Variants in PCLO observed in about 807,000 individuals in gnomAD.
PCLO encodes piccolo presynaptic cytomatrix protein.
A neutral mutation model predicts 427.5 loss-of-function variants in PCLO; 82 were observed. The observed-to-expected ratio is 0.19, with a 90% CI of 0.16 to 0.23. The LOEUF (loss-of-function observed/expected upper bound fraction) is 0.23. Ranked by LOEUF, PCLO falls within the 10% of genes least tolerant of loss-of-function variation. The pLI is 1.00. For missense variants in PCLO, 6,239 were observed against 6,115.9 expected (o/e 1.02, Z -0.67); for synonymous variants, 2,357 against 2,155.4 (o/e 1.09, Z -2.59).
chr7:83,000,512 G>T (rs10243542), intron 3 of PCLO, among the ~76,000 whole-genome samples: 80,811 of 151,690 alleles, frequency 0.53, 22,217 homozygotes, highest in East Asian at 0.85. Flanking sequence ...TTTTTCCATG[G>T]ATGTGCGGGA....
intron 7 of PCLO, among the ~76,000 whole-genome samples, chr7:82,909,817 G>C (rs956243527): frequency 1.3e-5 from 2 of 151,896 alleles, no homozygotes; most frequent in African/African-American, 4.8e-5. Flanking sequence ...TTTAAGAGAA[G>C]CACTGATTTA....
intron 3 of PCLO, among the ~76,000 whole-genome samples, chr7:83,021,472 G>A (rs1244751085): frequency 6.6e-6 from 1 of 152,052 alleles, no homozygotes; most frequent in African/African-American, 2.4e-5. Flanking sequence ...AGATAACAGA[G>A]ATAAAAGGTT....
At chr7:82,809,158 T>C (rs1359605315) in intron 20 of PCLO, among the ~76,000 whole-genome samples, 1 of 151,930 alleles carries the variant, frequency 6.6e-6, no homozygotes, top group Non-Finnish European at 1.5e-5. Flanking sequence ...CTTTATTATC[T>C]GAGGCTGGAT....
intron 3 of PCLO, among the ~76,000 whole-genome samples, chr7:83,043,912 CTTT>C (rs869061778): frequency 6.3e-5 from 6 of 94,914 alleles, no homozygotes; most frequent in East Asian, 4.2e-4. Context: ...CTATTATTTT[CTTT>C]TTTTTTTTTT....
intron 3 of PCLO, among the ~76,000 whole-genome samples, chr7:83,096,954 A>G (rs868602415): frequency 7.7e-5 from 2 of 25,832 alleles, no homozygotes; most frequent in South Asian, 7.7e-4. Flanking sequence ...TATTATATAA[A>G]TAATATAATA....
chr7:83,005,048 C>T (rs1368910461), intron 3 of PCLO, among the ~76,000 whole-genome samples: 1 of 145,662 alleles, frequency 6.9e-6, no homozygotes, highest in Non-Finnish European at 1.5e-5. Flanking sequence ...TAGGAAGATA[C>T]ATTGTAGGAG....
intron 20 of PCLO, chr7:82,822,255 A>C (rs1314119092): frequency 7.3e-6 from 10 of 1,367,614 alleles, no homozygotes; most frequent in Non-Finnish European, 9.4e-6. Context: ...GCCAGGTTGG[A>C]TGGATGGTGG....
chr7:83,121,111 T>C (rs1386147466), intron 3 of PCLO, among the ~76,000 whole-genome samples: 1 of 151,260 alleles, frequency 6.6e-6, no homozygotes, highest in South Asian at 2.1e-4. Flanking sequence ...GTGAAACCCA[T>C]CTCTACTAAA....
At chr7:83,093,848 T>G (rs532753729) in intron 3 of PCLO, among the ~76,000 whole-genome samples, 50 of 50,158 alleles carry the variant, frequency 1.0e-3, no homozygotes, top group Non-Finnish European at 1.6e-3. Flanking sequence ...CTGATTTGTT[T>G]TTTTTTTTTT....
chr7:82,882,314 A>C (rs1393984316), intron 9 of PCLO, among the ~76,000 whole-genome samples: 2 of 152,194 alleles, frequency 1.3e-5, no homozygotes, highest in Admixed American at 1.3e-4. Flanking sequence ...TGAAATTCTT[A>C]GAAGTAAATG....
chr7:82,871,939 T>C (rs993133035), intron 10 of PCLO, among the ~76,000 whole-genome samples: 7 of 151,966 alleles, frequency 4.6e-5, no homozygotes, highest in African/African-American at 1.7e-4. Context: ...ACTTTCTACT[T>C]TGGACCACAG....
intron 3 of PCLO, among the ~76,000 whole-genome samples, chr7:82,983,651 T>C (rs1796197021): frequency 6.7e-6 from 1 of 150,308 alleles, no homozygotes; most frequent in Non-Finnish European, 1.5e-5. Flanking sequence ...TATAGTTATT[T>C]AAAACATGAG....
rs997563037 is a variant in PCLO at position 83,123,460 on chromosome 7, T to C, written c.3300+10790A>G. On this transcript the variant is annotated intron_variant, in intron 3 of 24. Coordinates refer to ENST00000333891, the MANE Select transcript of PCLO (RefSeq NM_033026.6). Reference sequence around the variant, plus strand: ...GAAACTAGATCCCTGTTTCTTACCATATACAAAAATGAAATAAAATTGATT... The same window carrying C: ...GAAACTAGATCCCTGTTTCTTACCACATACAAAAATGAAATAAAATTGATT... Among the ~76,000 whole-genome samples the C allele has an allele frequency of 3.3e-5, 5 of 152,152 alleles. No individual in the cohort carries two copies. The South Asian group carries it at 8.3e-4, about 25-fold the overall frequency.
intron 3 of PCLO, among the ~76,000 whole-genome samples, chr7:83,117,000 C>T (rs6975891): frequency 0.58 from 88,834 of 152,028 alleles, 26,887 homozygotes; most frequent in African/African-American, 0.75. Flanking sequence ...GGAATACTTT[C>T]CAGCTATAAA....
rs576730319 is a variant in PCLO at position 82,857,092 on chromosome 7, T to C, written c.13655-9845A>G. 1.3e-3 allele frequency among the ~76,000 whole-genome samples: 201 copies of C among 152,298 alleles called. 1 individual carries two copies. Among genetic ancestry groups the C allele is most frequent in the African/African-American group, 4.6e-3 (193 of 41,582 alleles). On this transcript the variant is annotated intron_variant, in intron 10 of 24. Transcript: ENST00000333891. The stretch of plus-strand genomic sequence containing the variant: ...CACTGTGATCTTAGACTTATCAGCC[T>C]GAAGAACTTTAAGAAATGAATTTCT...
At chr7:82,870,361 T>C (rs1035289960) in intron 10 of PCLO, among the ~76,000 whole-genome samples, 1 of 151,980 alleles carries the variant, frequency 6.6e-6, no homozygotes, top group Non-Finnish European at 1.5e-5. Context: ...TTTTAAGAAA[T>C]GGTGCTGACA....
chr7:82,768,789 A>G (rs988226159), intron 22 of PCLO, among the ~76,000 whole-genome samples: 23 of 152,198 alleles, frequency 1.5e-4, no homozygotes, highest in African/African-American at 5.3e-4. Context: ...TTTCTCAGAT[A>G]AAAATTTTAT....
intron 3 of PCLO, among the ~76,000 whole-genome samples, chr7:83,012,624 A>G (rs1209643848): frequency 1.8e-4 from 5 of 27,980 alleles, no homozygotes; most frequent in East Asian, 5.3e-3. Context: ...TCTCAAGGAA[A>G]AAAAAAAAAA....
intron 3 of PCLO, among the ~76,000 whole-genome samples, chr7:82,974,228 T>C (rs1283444915): frequency 6.6e-6 from 1 of 152,070 alleles, no homozygotes; most frequent in African/African-American, 2.4e-5. Flanking sequence ...TTCTACTGAA[T>C]GTACAAAATT....
Sources: gnomAD v4.1 joint callset for allele counts (sites outside exome capture counted in the v4.1 genomes callset) on GRCh38, gnomAD v4.1.1 for gene constraint, MANE v1.5 for transcripts, NCBI Gene and HGNC (gene_info 2026-07-23, HGNC 2026-07-21) for gene names.